Variants in EYS observed in about 807,000 individuals in gnomAD.
The protein encoded by EYS is EGF-like photoreceptor maintenance factor.
EYS carries 250 observed loss-of-function variants against 282.1 expected under a neutral mutation model. That is an observed-to-expected ratio of 0.89 (90% confidence interval 0.80 to 0.98). EYS has a LOEUF of 0.98. Ranked by LOEUF, EYS falls within the 50% of genes least tolerant of loss-of-function variation. The pLI is 0.00. For missense variants in EYS, 4,016 were observed against 3,709.0 expected (o/e 1.08, Z -2.15); for synonymous variants, 1,355 against 1,282.9 (o/e 1.06, Z -1.20).
chr6:64,485,585 T>G (rs539745029), intron 26 of EYS, among the ~76,000 whole-genome samples: 8 of 151,650 alleles, frequency 5.3e-5, no homozygotes, highest in African/African-American at 1.7e-4. Flanking sequence ...AATGTCCTGA[T>G]TACTAGGCTC....
At chr6:64,963,040 T>C (rs185061986) in intron 14 of EYS, among the ~76,000 whole-genome samples, 253 of 152,326 alleles carry the variant, frequency 1.7e-3, no homozygotes, top group African/African-American at 6.0e-3. Context: ...GTAAAAGATA[T>C]GCATATGAAT....
chr6:63,743,810 G>T (rs1769143573), intron 41 of EYS, among the ~76,000 whole-genome samples: 1 of 152,160 alleles, frequency 6.6e-6, no homozygotes, highest in African/African-American at 2.4e-5. Flanking sequence ...AAAAGGAAGA[G>T]AAATCTCCAC....
rs1395342318 is a variant in EYS at position 63,721,003 on chromosome 6, C to G, written c.9028G>C (p.Ala3010Pro). The G allele has an allele frequency of 6.4e-7, 1 of 1,551,214 alleles. No individual in the cohort carries two copies. The highest frequency in any genetic ancestry group is 2.0e-5 in the Admixed American group (1 of 50,972). ...IAQNEENDFL[A>P]IGLHNQTLKI... ...AAGGTCTGATTATGGAGACCAATTG[C>G]CAGAAAATCATTTTCTTCATTTTGA... Residue 3010 changes from alanine to proline, a missense_variant, in exon 43 of 43, where the codon GCA becomes CCA. Ala to Pro is a conservative substitution (Grantham distance 27). Coordinates refer to ENST00000503581, the MANE Select transcript of EYS (RefSeq NM_001142800.2).
chr6:64,870,423 C>A (rs564857872), intron 19 of EYS, among the ~76,000 whole-genome samples: 34 of 138,110 alleles, frequency 2.5e-4, no homozygotes, highest in South Asian at 4.8e-4. Context: ...CCTCCTCCCC[C>A]CTCCAAAAAA....
chr6:64,447,997 C>G (rs1004382841), intron 26 of EYS, among the ~76,000 whole-genome samples: 1 of 152,132 alleles, frequency 6.6e-6, no homozygotes, highest in Non-Finnish European at 1.5e-5. Context: ...ACATAAGTGC[C>G]GGACAGTGGG....
intron 12 of EYS, among the ~76,000 whole-genome samples, chr6:65,214,327 C>T (rs539405585): frequency 5.3e-5 from 8 of 152,132 alleles, no homozygotes; most frequent in South Asian, 2.1e-4. Context: ...GTGAAACACC[C>T]TTATTACTGA....
At chr6:65,673,929 C>A (rs971471955) in intron 1 of EYS, among the ~76,000 whole-genome samples, 2 of 151,804 alleles carry the variant, frequency 1.3e-5, no homozygotes, top group African/African-American at 4.8e-5. Flanking sequence ...TGGGCAGGGG[C>A]AAATCCCCAA....
chr6:64,546,820 G>A (rs1283722759), intron 26 of EYS, among the ~76,000 whole-genome samples: 4 of 152,128 alleles, frequency 2.6e-5, no homozygotes. Flanking sequence ...AAACCACAAT[G>A]AGATACCATC....
At chr6:65,462,223 A>C (rs1430118165) in intron 5 of EYS, among the ~76,000 whole-genome samples, 1 of 152,124 alleles carries the variant, frequency 6.6e-6, no homozygotes, top group Non-Finnish European at 1.5e-5. Flanking sequence ...TAATTCATGT[A>C]ATGTATGATA....
intron 31 of EYS, among the ~76,000 whole-genome samples, chr6:64,196,033 A>C (rs1765276159): frequency 6.6e-6 from 1 of 152,108 alleles, no homozygotes; most frequent in Non-Finnish European, 1.5e-5. Flanking sequence ...CAATGAACTC[A>C]AACAAATTTA....
At chr6:64,438,491 G>T (rs1774824662) in intron 27 of EYS, among the ~76,000 whole-genome samples, 1 of 151,580 alleles carries the variant, frequency 6.6e-6, no homozygotes, top group Non-Finnish European at 1.5e-5. Context: ...ACAAAAACAG[G>T]TTTTCTCTTG....
intron 26 of EYS, among the ~76,000 whole-genome samples, chr6:64,571,112 C>T (rs1021740394): frequency 6.6e-6 from 1 of 152,114 alleles, no homozygotes; most frequent in South Asian, 2.1e-4. Flanking sequence ...AATTAGAACT[C>T]AGGATTAAGA....
chr6:64,895,652 T>TG (rs34686394), intron 18 of EYS, among the ~76,000 whole-genome samples: 2 of 152,130 alleles, frequency 1.3e-5, no homozygotes, highest in Admixed American at 1.3e-4. Context: ...TATCCATATG[T>TG]GGAAACGTGA....
At chr6:65,683,772 CA>C (rs1768912784) in intron 1 of EYS, among the ~76,000 whole-genome samples, 1 of 151,988 alleles carries the variant, frequency 6.6e-6, no homozygotes, top group Admixed American at 6.6e-5. Flanking sequence ...TTTTCTTCCA[CA>C]ACCCACTGGG....
At chr6:65,160,673 C>T (rs1764831384) in intron 12 of EYS, among the ~76,000 whole-genome samples, 1 of 150,712 alleles carries the variant, frequency 6.6e-6, no homozygotes, top group South Asian at 2.1e-4. Context: ...TCGTTCATCC[C>T]ACGTTAAAGA....
chr6:64,792,127 G>A (rs1260791030), intron 22 of EYS, among the ~76,000 whole-genome samples: 1 of 151,682 alleles, frequency 6.6e-6, no homozygotes, highest in Non-Finnish European at 1.5e-5. Flanking sequence ...TCAAACTACT[G>A]TGAAGCCTTT....
chr6:64,709,784 G>A (rs1237016290), intron 22 of EYS, among the ~76,000 whole-genome samples: 1 of 152,130 alleles, frequency 6.6e-6, no homozygotes, highest in Non-Finnish European at 1.5e-5. Flanking sequence ...TTAATATGAT[G>A]GACCATTTAT....
intron 12 of EYS, among the ~76,000 whole-genome samples, chr6:65,202,013 G>C (rs1337167021): frequency 1.3e-5 from 2 of 152,030 alleles, no homozygotes; most frequent in African/African-American, 4.8e-5. Flanking sequence ...TCAGGGGGCT[G>C]AGGCATGAGA....
intron 12 of EYS, among the ~76,000 whole-genome samples, chr6:65,098,962 A>G (rs1444347054): frequency 6.6e-6 from 1 of 150,816 alleles, no homozygotes; most frequent in Non-Finnish European, 1.5e-5. Context: ...ATTTCTTTGT[A>G]TTTGCAGAAA....
Sources: allele counts gnomAD v4.1 joint callset (sites outside exome capture counted in the v4.1 genomes callset), GRCh38; gene constraint gnomAD v4.1.1; transcripts MANE v1.5; gene names NCBI Gene and HGNC (gene_info 2026-07-23, HGNC 2026-07-21).